Variants in WWOX observed in about 807,000 individuals in gnomAD.
WWOX encodes the protein WW domain-containing oxidoreductase.
A neutral mutation model predicts 46.2 loss-of-function variants in WWOX; 69 were observed. That is an observed-to-expected ratio of 1.49 (90% CI 1.23 to 1.82). WWOX has a LOEUF of 1.82. Ranked by LOEUF, WWOX falls within the 40% of genes most tolerant of loss-of-function variation. The pLI is 0.00. For missense variants in WWOX, 919 were observed against 542.6 expected (o/e 1.69, Z -6.89); for synonymous variants, 359 against 202.6 (o/e 1.77, Z -6.56).
intron 8 of WWOX, among the ~76,000 whole-genome samples, chr16:78,987,423 C>T (rs1025659285): frequency 1.3e-5 from 2 of 152,172 alleles, no homozygotes; most frequent in African/African-American, 4.8e-5. Flanking sequence ...GCTGGAGCTC[C>T]TGCCACGTAT....
chr16:78,107,596 A>C (rs1196157048), intron 1 of WWOX, among the ~76,000 whole-genome samples: 2 of 150,248 alleles, frequency 1.3e-5, no homozygotes, highest in East Asian at 3.9e-4. Flanking sequence ...GGAAGGTCTT[A>C]CTGCATCTCT....
rs72806830 is a variant in WWOX, at chr16:78,214,453, T to C, written c.516+50164T>C. ...ACAATCGAAGTCTGCTGCTGTCAGC[T>C]CTGTGGTCGCTGTCTGCACTCCCAC... On this transcript the variant is annotated intron_variant, in intron 5 of 8. Coordinates refer to ENST00000566780, the MANE Select transcript of WWOX (RefSeq NM_016373.4). 5.9e-3 allele frequency among the ~76,000 whole-genome samples: 900 copies of C among 152,294 alleles called. 9 individuals are homozygous for C. Among genetic ancestry groups the C allele is most frequent in the Non-Finnish European group, 0.01 (703 of 68,026 alleles).
chr16:78,352,978 A>G (rs912901475), intron 5 of WWOX, among the ~76,000 whole-genome samples: 8 of 151,848 alleles, frequency 5.3e-5, no homozygotes, highest in African/African-American at 1.9e-4. Context: ...TCTCTCACTT[A>G]CTTGAAAAGC....
intron 5 of WWOX, among the ~76,000 whole-genome samples, chr16:78,226,420 T>A (rs1442850079): frequency 6.6e-6 from 1 of 151,902 alleles, no homozygotes; most frequent in Admixed American, 6.6e-5. Context: ...CTAGAAAATA[T>A]TAGAAAGAAG....
intron 8 of WWOX, among the ~76,000 whole-genome samples, chr16:78,548,048 C>T (rs1373421237): frequency 2.0e-5 from 3 of 150,672 alleles, no homozygotes; most frequent in South Asian, 2.1e-4. Flanking sequence ...TCAGGTACTC[C>T]AGAGGCTGAG....
intron 5 of WWOX, among the ~76,000 whole-genome samples, chr16:78,261,788 C>CTATCTATCTAGATATATA (rs1555510660): frequency 1.4e-5 from 1 of 73,746 alleles, no homozygotes; most frequent in African/African-American, 5.7e-5. Context: ...ATCTATCTAT[C>CTATCTATCTAGATATATA]TATATATATA....
At chr16:78,634,470 G>C (rs1371322955) in intron 8 of WWOX, among the ~76,000 whole-genome samples, 1 of 152,114 alleles carries the variant, frequency 6.6e-6, no homozygotes, top group Non-Finnish European at 1.5e-5. Context: ...CACTTTGGGA[G>C]GGCGAGGCGG....
chr16:78,451,318 C>A (rs568178088), intron 8 of WWOX, among the ~76,000 whole-genome samples: 8 of 152,194 alleles, frequency 5.3e-5, no homozygotes, highest in African/African-American at 1.9e-4. Flanking sequence ...AGTATACATT[C>A]TGCAGAACTA....
chr16:78,170,074 G>T (rs1198860252), intron 5 of WWOX, among the ~76,000 whole-genome samples: 1 of 152,138 alleles, frequency 6.6e-6, no homozygotes, highest in African/African-American at 2.4e-5. Flanking sequence ...TTCCCAGAAT[G>T]TGTCTTGAGT....
chr16:79,122,510 C>CCCTT (rs757940115), intron 8 of WWOX, among the ~76,000 whole-genome samples: 1 of 150,572 alleles, frequency 6.6e-6, no homozygotes, highest in Non-Finnish European at 1.5e-5. Flanking sequence ...CTTTTTCCTT[C>CCCTT]CCTTCCTTCC....
intron 8 of WWOX, among the ~76,000 whole-genome samples, chr16:78,510,372 A>G (rs1054137155): frequency 1.8e-4 from 27 of 152,056 alleles, no homozygotes; most frequent in African/African-American, 6.0e-4. Context: ...TGCACAGCTA[A>G]TTTTTGTATT....
At chr16:78,420,612 T>G (rs955804876) in intron 6 of WWOX, among the ~76,000 whole-genome samples, 1 of 150,840 alleles carries the variant, frequency 6.6e-6, no homozygotes, top group Non-Finnish European at 1.5e-5. Flanking sequence ...GTTTTGGGAA[T>G]AAGAGTGTAG....
At chr16:78,573,245 C>A (rs1021569129) in intron 8 of WWOX, among the ~76,000 whole-genome samples, 1 of 152,200 alleles carries the variant, frequency 6.6e-6, no homozygotes, top group Non-Finnish European at 1.5e-5. Context: ...GAGATCGTGC[C>A]ACTGCACTCC....
intron 8 of WWOX, among the ~76,000 whole-genome samples, chr16:78,784,555 A>G (rs781180046): frequency 1.2e-4 from 18 of 152,142 alleles, no homozygotes; most frequent in Non-Finnish European, 1.6e-4. Flanking sequence ...CTCCTCATCT[A>G]CAAAGGGGGA....
chr16:78,671,987 T>C (rs963058591), intron 8 of WWOX, among the ~76,000 whole-genome samples: 1 of 152,194 alleles, frequency 6.6e-6, no homozygotes, highest in Non-Finnish European at 1.5e-5. Context: ...GGCAGTCTAC[T>C]ACGCAAAAGC....
chr16:78,868,753 A>G (rs1006088538), intron 8 of WWOX, among the ~76,000 whole-genome samples: 4 of 152,168 alleles, frequency 2.6e-5, no homozygotes, highest in African/African-American at 4.8e-5. Context: ...CTCACTATAT[A>G]TGTCTAAAAT....
intron 5 of WWOX, among the ~76,000 whole-genome samples, chr16:78,200,343 G>A (rs745594178): frequency 7.1e-6 from 1 of 140,026 alleles, no homozygotes; most frequent in South Asian, 2.3e-4. Flanking sequence ...GTCTATAAAG[G>A]TTGGGGCATT....
chr16:78,597,768 A>C, intron 8 of WWOX, among the ~76,000 whole-genome samples: 1 of 147,252 alleles, frequency 6.8e-6, no homozygotes, highest in East Asian at 2.0e-4. Flanking sequence ...GTGTATATAT[A>C]TATATATATA....
chr16:78,593,807 G>A (rs1397590404), intron 8 of WWOX, among the ~76,000 whole-genome samples: 1 of 152,050 alleles, frequency 6.6e-6, no homozygotes, highest in Non-Finnish European at 1.5e-5. Flanking sequence ...CAAAGATAGA[G>A]CTAGCATGAT....
Sources: gnomAD v4.1 joint callset for allele counts (sites outside exome capture counted in the v4.1 genomes callset) on GRCh38, gnomAD v4.1.1 for gene constraint, MANE v1.5 for transcripts, NCBI Gene and HGNC (gene_info 2026-07-23, HGNC 2026-07-21) for gene names.